The following UNC5C variants were observed in gnomAD, a reference collection of about 807,000 sequenced individuals.
The protein encoded by UNC5C is netrin receptor UNC5C.
UNC5C carries 47 observed loss-of-function variants against 99.8 expected under a neutral mutation model. That is an observed-to-expected ratio of 0.47 (90% CI 0.37 to 0.60). The LOEUF (loss-of-function observed/expected upper bound fraction) is 0.60, where lower values mean the gene tolerates loss of function less well. Ranked by LOEUF, UNC5C falls within the 20% of genes least tolerant of loss-of-function variation. The pLI is 0.00. For missense variants in UNC5C, 1,062 were observed against 1,165.9 expected (o/e 0.91, Z 1.30); for synonymous variants, 487 against 452.2 (o/e 1.08, Z -0.98).
chr4:95,434,956 C>T (rs1396414301), intron 1 of UNC5C, among the ~76,000 whole-genome samples: 1 of 152,008 alleles, frequency 6.6e-6, no homozygotes, highest in Non-Finnish European at 1.5e-5. Context: ...AAGAGTTTTG[C>T]TCTTGCAGAA....
chr4:95,299,689 G>A (rs1041123157), intron 3 of UNC5C, among the ~76,000 whole-genome samples: 1 of 152,142 alleles, frequency 6.6e-6, no homozygotes, highest in Non-Finnish European at 1.5e-5. Flanking sequence ...ATGGTGGCAG[G>A]CAAGAGGGCA....
intron 1 of UNC5C, among the ~76,000 whole-genome samples, chr4:95,358,106 A>G (rs1232521993): frequency 3.3e-5 from 5 of 152,198 alleles, no homozygotes; most frequent in Admixed American, 2.0e-4. Context: ...AAGCAACAAA[A>G]AAAACACCAC....
At chr4:95,288,164 A>C (rs1741307661) in intron 3 of UNC5C, among the ~76,000 whole-genome samples, 1 of 150,416 alleles carries the variant, frequency 6.6e-6, no homozygotes, top group South Asian at 2.1e-4. Context: ...CTCACTGAAA[A>C]CTCTGCCTCC....
Position 95,220,060 on chromosome 4 carries a change from A to T in UNC5C, c.1225T>A (p.Phe409Ile). 1.9e-6 allele frequency: 3 copies of T among 1,614,190 alleles called. No individual in the cohort carries two copies. The highest frequency in any genetic ancestry group is 2.5e-6 in the Non-Finnish European group (3 of 1,180,012). Residue 409 changes from phenylalanine to isoleucine, a missense_variant, in exon 8 of 16, where the codon TTT (phenylalanine) becomes ATT (isoleucine). Phe to Ile is a conservative substitution (Grantham distance 21). This residue lies in a region of UNC5C where 810 missense variants were observed against 854.5 expected (regional missense o/e 0.95). Transcript: ENST00000453304. ...LFVYRKNHRD[F>I]ESDIIDSSAL... ...GAAGAGTCAATAATATCTGACTCAA[A>T]GTCACGATGATTCTTCCGATACACA...
intron 2 of UNC5C, among the ~76,000 whole-genome samples, chr4:95,321,003 C>G (rs1742667355): frequency 6.6e-6 from 1 of 152,118 alleles, no homozygotes; most frequent in Non-Finnish European, 1.5e-5. Flanking sequence ...CCTAGTGAAA[C>G]ACAACTTGCT....
chr4:95,179,680 G>T (rs1736524827), intron 14 of UNC5C, among the ~76,000 whole-genome samples: 1 of 150,250 alleles, frequency 6.7e-6, no homozygotes, highest in Non-Finnish European at 1.5e-5. Flanking sequence ...CCAGGAGGCG[G>T]AGGTTGCAGT....
rs559599215 is a variant in UNC5C, at chr4:95,168,846, C to T, written c.*388G>A. 1.9e-4 allele frequency: 33 copies of T among 169,656 alleles called. No individual in the cohort carries two copies. Among genetic ancestry groups the T allele is most frequent in the Non-Finnish European group, 3.6e-4 (28 of 78,188 alleles). 10.5% of individuals were successfully genotyped at this position (169,656 alleles called of 1,614,324 possible). On this transcript the variant is annotated 3_prime_UTR_variant, in exon 16 of 16. Transcript: ENST00000453304. Reference sequence around the variant, plus strand: ...AACGAGCCATGGACAGTGTCTGCATCCCTGTCCAATTTGATGTAAACAACA... The same window carrying T: ...AACGAGCCATGGACAGTGTCTGCATTCCTGTCCAATTTGATGTAAACAACA...
At chr4:95,227,559 G>T (rs1052683225) in intron 7 of UNC5C, among the ~76,000 whole-genome samples, 5 of 152,128 alleles carry the variant, frequency 3.3e-5, no homozygotes, top group African/African-American at 1.2e-4. Flanking sequence ...TTTAAGTGAA[G>T]AAAAAATATT....
At chr4:95,483,697 A>G (rs188446416) in intron 1 of UNC5C, among the ~76,000 whole-genome samples, 9 of 151,928 alleles carry the variant, frequency 5.9e-5, no homozygotes, top group Admixed American at 4.6e-4. Context: ...CCTTGATAAC[A>G]TCTCTTAATA....
At chr4:95,379,109 G>A (rs1744986898) in intron 1 of UNC5C, among the ~76,000 whole-genome samples, 1 of 152,108 alleles carries the variant, frequency 6.6e-6, no homozygotes, top group Non-Finnish European at 1.5e-5. Flanking sequence ...TAACTGGGGC[G>A]AGGAGTAGAG....
At chr4:95,232,226 CTATAA>C (rs760166640) in intron 7 of UNC5C, among the ~76,000 whole-genome samples, 31 of 150,176 alleles carry the variant, frequency 2.1e-4, no homozygotes, top group African/African-American at 5.8e-4. Context: ...GTTATATAAA[CTATAA>C]TATATTACAT....
chr4:95,168,651 A>G lies in UNC5C; in HGVS notation c.*583T>C, dbSNP rs921069444. 6.5e-6 allele frequency: 1 copy of G among 152,738 alleles called. No individual in the cohort carries two copies. The highest frequency in any genetic ancestry group is 2.4e-5 in the African/African-American group (1 of 41,430). 9.5% of individuals were successfully genotyped at this position (152,738 alleles called of 1,614,324 possible). On this transcript the variant is annotated 3_prime_UTR_variant, in exon 16 of 16. Coordinates refer to ENST00000453304, the MANE Select transcript of UNC5C (RefSeq NM_003728.4). The stretch of plus-strand genomic sequence containing the variant: ...CTCCACTTCCCTGATACAAACAGTA[A>G]CACTGGTTCTACAAGTTCTAGAAAC...
chr4:95,226,041 G>C (rs949046838), intron 7 of UNC5C, among the ~76,000 whole-genome samples: 1 of 152,198 alleles, frequency 6.6e-6, no homozygotes, highest in Non-Finnish European at 1.5e-5. Context: ...ATTTTCTTCA[G>C]CTAATGAGGT....
At chr4:95,408,243 C>T (rs1464442085) in intron 1 of UNC5C, among the ~76,000 whole-genome samples, 2 of 152,134 alleles carry the variant, frequency 1.3e-5, no homozygotes, top group Admixed American at 1.3e-4. Flanking sequence ...TCTGAAATAT[C>T]TAATCTACTA....
At chr4:95,478,596 T>TA (rs1721033041) in intron 1 of UNC5C, among the ~76,000 whole-genome samples, 1 of 152,010 alleles carries the variant, frequency 6.6e-6, no homozygotes, top group Non-Finnish European at 1.5e-5. Context: ...GATGTGTATG[T>TA]ATCCCCACAA....
chr4:95,318,657 G>C (rs542766167), intron 2 of UNC5C, among the ~76,000 whole-genome samples: 13 of 152,144 alleles, frequency 8.5e-5, no homozygotes, highest in Non-Finnish European at 1.6e-4. Context: ...CCAGGGTGTA[G>C]CTATAAAAAG....
chr4:95,171,634 A>G (rs1299843985), intron 14 of UNC5C, among the ~76,000 whole-genome samples: 1 of 151,496 alleles, frequency 6.6e-6, no homozygotes, highest in African/African-American at 2.4e-5. Context: ...AATCCAGTCT[A>G]TCATTGTTGG....
At chr4:95,247,036 C>T (rs928805869) in intron 5 of UNC5C, among the ~76,000 whole-genome samples, 1 of 145,458 alleles carries the variant, frequency 6.9e-6, no homozygotes, top group African/African-American at 2.5e-5. Flanking sequence ...GAAACCCTGT[C>T]TCAAATAAAA....
rs1743179232 is a variant in UNC5C at position 95,332,952 on chromosome 4, C to CA, written c.346+2457dup. Among the ~76,000 whole-genome samples, 7 of 152,036 alleles carry CA rather than the reference C, an allele frequency of 4.6e-5. 1 individual carries two copies. The highest frequency in any genetic ancestry group is 3.9e-4 in the Admixed American group (6 of 15,262). On this transcript the variant is annotated intron_variant, in intron 2 of 15. Transcript: ENST00000453304. Reference sequence around the variant, plus strand: ...TCTCAAAAGAAGACATTTATGTAGCCAAAAAACACACGAAAAAAGGCTCAC... The same window carrying CA: ...TCTCAAAAGAAGACATTTATGTAGCCAAAAAAACACACGAAAAAAGGCTCAC...
Sources: allele counts gnomAD v4.1 joint callset (sites outside exome capture counted in the v4.1 genomes callset), GRCh38; gene constraint gnomAD v4.1.1; regional missense constraint gnomAD v4.1.1; transcripts MANE v1.5; gene names NCBI Gene and HGNC (gene_info 2026-07-23, HGNC 2026-07-21).